PCDHGB2: variants seen among roughly 807,000 people sequenced by gnomAD.
PCDHGB2 encodes protocadherin gamma subfamily B, 2.
In PCDHGB2, 55 loss-of-function variants were observed where a neutral mutation model predicts 59.3. That is an observed-to-expected ratio of 0.93 (90% CI 0.75 to 1.16). The LOEUF (loss-of-function observed/expected upper bound fraction) is 1.16, where lower values mean the gene tolerates loss of function less well. Among genes scored for constraint, PCDHGB2 ranks in the 50% most tolerant of loss-of-function variants. PCDHGB2 has a pLI of 0.00. For synonymous variants in PCDHGB2, 516 were observed against 512.0 expected, an observed-to-expected ratio of 1.01 and a Z score of -0.11; for missense variants, 1,228 against 1,198.5, an observed-to-expected ratio of 1.02 and a Z score of -0.36.
At chr5:141,473,988 G>T (rs1006988447) in intron 1 of PCDHGB2, among the ~76,000 whole-genome samples, 2 of 152,118 alleles carry the variant, frequency 1.3e-5, no homozygotes, top group Middle Eastern at 3.2e-3. Context: ...AGGATCCCTT[G>T]AGCCCAAGGA....
chr5:141,401,770 T>C (rs975272408), intron 1 of PCDHGB2, among the ~76,000 whole-genome samples: 2 of 152,202 alleles, frequency 1.3e-5, no homozygotes, highest in African/African-American at 4.8e-5. Context: ...TATAAGTCTT[T>C]TGCTTGGTTT....
At chr5:141,506,164 G>A (rs959032250) in intron 3 of PCDHGB2, among the ~76,000 whole-genome samples, 17 of 152,140 alleles carry the variant, frequency 1.1e-4, no homozygotes, top group Non-Finnish European at 2.4e-4. Context: ...TAAGAGCACA[G>A]CCTAAGCTGG....
chr5:141,511,135 G>A lies in PCDHGB2; in HGVS notation c.2758G>A (p.Gly920Ser), dbSNP rs200541479. Residue 920 changes from glycine to serine, a missense_variant, in exon 4 of 4, where the codon GGC becomes AGC. Physicochemically the swap from Gly to Ser is moderately conservative, Grantham distance 56. Coordinates refer to ENST00000522605, the MANE Select transcript of PCDHGB2 (RefSeq NM_018923.3). The stretch of plus-strand genomic sequence containing the variant: ...TGGCAAGGCCCCAGCAGGTGGCAAT[G>A]GCAACAAGAAGAAGTCGGGCAAGAA... ...RDGKAPAGGN[G>S]NKKKSGKKEK... 2.8e-4 allele frequency: 448 copies of A among 1,614,188 alleles called. No homozygotes were observed. Among genetic ancestry groups the A allele is most frequent in the Non-Finnish European group, 3.0e-4 (352 of 1,180,016 alleles).
chr5:141,380,372 C>G (rs73265858), intron 1 of PCDHGB2, among the ~76,000 whole-genome samples: 1 of 151,948 alleles, frequency 6.6e-6, no homozygotes, highest in African/African-American at 2.4e-5. Context: ...AAAAAAAAGT[C>G]CCAAAAAAGA....
At chr5:141,442,629 A>G (rs959326665) in intron 1 of PCDHGB2, among the ~76,000 whole-genome samples, 2 of 152,248 alleles carry the variant, frequency 1.3e-5, no homozygotes, top group African/African-American at 4.8e-5. Context: ...TTCTAGCAGC[A>G]AGACCAAAGG....
intron 1 of PCDHGB2, chr5:141,389,176 C>G (rs775758481): frequency 6.2e-7 from 1 of 1,614,064 alleles, no homozygotes; most frequent in South Asian, 1.1e-5. Flanking sequence ...CCTCCCCTCT[C>G]CTCCAGTTCC....
At chr5:141,428,255 G>C in intron 1 of PCDHGB2, 1 of 875,580 alleles carries the variant, frequency 1.1e-6, no homozygotes, top group Non-Finnish European at 1.8e-6. Flanking sequence ...CCAGACTTCA[G>C]TGACAGTCCT....
chr5:141,490,497 C>T lies in PCDHGB2; in HGVS notation c.2422-4310C>T. 8 of 1,614,196 alleles carry T rather than the reference C, an allele frequency of 5.0e-6. No individual in the cohort carries two copies. Among genetic ancestry groups the T allele is most frequent in the Non-Finnish European group, 6.8e-6 (8 of 1,180,038 alleles). ...CTTTGGACCGGGAGGCCACATCCCACTATATCATCGAGCTGCTGGCCAGCG... is the reference window on the plus strand; with the variant it reads ...CTTTGGACCGGGAGGCCACATCCCATTATATCATCGAGCTGCTGGCCAGCG... On this transcript the variant is annotated intron_variant, in intron 1 of 3. Transcript: ENST00000522605. The surrounding 1 kb of genome is among the most constrained non-coding windows in gnomAD (Gnocchi z 5.4).
chr5:141,368,344 T>C (rs1052881289), intron 1 of PCDHGB2, among the ~76,000 whole-genome samples: 5 of 152,060 alleles, frequency 3.3e-5, no homozygotes, highest in African/African-American at 7.2e-5. Context: ...TATATACATA[T>C]ACACACACAT....
At chr5:141,372,420 A>G (rs765908055) in intron 1 of PCDHGB2, 1 of 1,614,042 alleles carries the variant, frequency 6.2e-7, no homozygotes, top group Admixed American at 1.7e-5. Context: ...ACCTGACCTT[A>G]GCGACCGCCC....
At chr5:141,373,548 A>G (rs546721232) in intron 1 of PCDHGB2, among the ~76,000 whole-genome samples, 5 of 152,332 alleles carry the variant, frequency 3.3e-5, no homozygotes, top group African/African-American at 9.6e-5. Context: ...GGTTGTTGGT[A>G]CCCTTACTGA....
chr5:141,382,777 C>G, intron 1 of PCDHGB2: 1 of 822,390 alleles, frequency 1.2e-6, no homozygotes. Flanking sequence ...CTGCACTAAA[C>G]TCAAGCCTCT....
At chr5:141,399,635 T>C (rs1237333371) in intron 1 of PCDHGB2, 1 of 1,613,746 alleles carries the variant, frequency 6.2e-7, no homozygotes, top group Admixed American at 1.7e-5. Context: ...TACGTGTCCA[T>C]GAGCGCGCAA....
chr5:141,372,030 G>T, intron 1 of PCDHGB2: 2 of 1,613,446 alleles, frequency 1.2e-6, no homozygotes, highest in Non-Finnish European at 1.7e-6. Flanking sequence ...CAGCGCCAAC[G>T]TGAGCCTGCG....
At chr5:141,369,149 A>T (rs955742773) in intron 1 of PCDHGB2, among the ~76,000 whole-genome samples, 2 of 152,224 alleles carry the variant, frequency 1.3e-5, no homozygotes, top group African/African-American at 4.8e-5. Flanking sequence ...ATGGCATGTT[A>T]TTGACCAGGG....
chr5:141,394,321 C>T lies in PCDHGB2; in HGVS notation c.2421+31765C>T, dbSNP rs11575959. ...ACGCTGCAGGGGGCGCCCCTGTCCT[C>T]GTATATCTCCATCAACTCTGACACC... On this transcript the variant is annotated intron_variant, in intron 1 of 3. Coordinates refer to ENST00000522605, the MANE Select transcript of PCDHGB2 (RefSeq NM_018923.3). 25 of 1,613,846 alleles carry T rather than the reference C, an allele frequency of 1.5e-5. No homozygotes were observed. The Admixed American group carries it at 2.7e-4, about 17-fold the overall frequency.
intron 1 of PCDHGB2, chr5:141,408,023 A>G (rs2095028170): frequency 1.9e-6 from 2 of 1,054,662 alleles, no homozygotes; most frequent in Middle Eastern, 3.2e-4. Context: ...CCAACAACAG[A>G]AAGAAGAAAA....
intron 2 of PCDHGB2, among the ~76,000 whole-genome samples, chr5:141,505,146 A>G (rs2099844101): frequency 6.6e-6 from 1 of 152,190 alleles, no homozygotes; most frequent in Non-Finnish European, 1.5e-5. Flanking sequence ...TGGATGACAG[A>G]GTAAGACCCT....
chr5:141,386,660 A>C (rs1300288203), intron 1 of PCDHGB2, among the ~76,000 whole-genome samples: 1 of 151,968 alleles, frequency 6.6e-6, no homozygotes, highest in Non-Finnish European at 1.5e-5. Context: ...CAAGTTCTGC[A>C]GTGTTCACAT....
Sources: gnomAD v4.1 joint callset for allele counts (sites outside exome capture counted in the v4.1 genomes callset) on GRCh38, gnomAD v4.1.1 for gene constraint, Gnocchi (gnomAD v3.1) non-coding constraint, MANE v1.5 for transcripts, NCBI Gene and HGNC (gene_info 2026-07-23, HGNC 2026-07-21) for gene names.